COPG2: variants seen among roughly 807,000 people sequenced by gnomAD.
COPG2 encodes the protein coatomer subunit gamma-2.
A neutral mutation model predicts 46.3 loss-of-function variants in COPG2; 37 were observed. The ratio of observed to expected loss-of-function variants is 0.80; its 90% confidence interval spans 0.61 to 1.05. The LOEUF (loss-of-function observed/expected upper bound fraction) is 1.05. Among genes scored for constraint, COPG2 ranks in the 50% least tolerant of loss-of-function variants. The pLI is 0.00. For missense variants in COPG2, 427 were observed against 387.8 expected (o/e 1.10, Z -0.85); for synonymous variants, 159 against 129.7 (o/e 1.23, Z -1.53).
chr7:130,545,968 C>G (rs1371372673), intron 20 of COPG2, among the ~76,000 whole-genome samples: 1 of 152,054 alleles, frequency 6.6e-6, no homozygotes, highest in Non-Finnish European at 1.5e-5. Flanking sequence ...GTTAAGAATA[C>G]TTTCTGGGGT....
chr7:130,516,975 C>G lies in COPG2; in HGVS notation c.2150-8316G>C, dbSNP rs1016260092. On this transcript the variant is annotated intron_variant, in intron 20 of 23. Coordinates refer to ENST00000425248, the MANE Select transcript of COPG2 (RefSeq NM_012133.6). ...GGGCAGAGGGCAGTGGGCTGAGCAG[C>G]GAGTGCCCATGGGGAGGGGAGTATC... Among the ~76,000 whole-genome samples, 3 of 152,120 alleles carry G rather than the reference C, an allele frequency of 2.0e-5. No individual in the cohort carries two copies. In the South Asian group the frequency reaches 6.2e-4, roughly 32 times the overall value.
chr7:130,560,615 C>A (rs1793703626), intron 12 of COPG2, among the ~76,000 whole-genome samples: 1 of 152,118 alleles, frequency 6.6e-6, no homozygotes, highest in Non-Finnish European at 1.5e-5. Flanking sequence ...ACTGGATTGA[C>A]AAACAGTTCA....
intron 9 of COPG2, among the ~76,000 whole-genome samples, chr7:130,588,699 T>C (rs1794335950): frequency 6.6e-6 from 1 of 152,092 alleles, no homozygotes; most frequent in South Asian, 2.1e-4. Flanking sequence ...TAATGCTAAA[T>C]GACAAGTTAA....
chr7:130,532,526 A>T (rs1799838314), intron 20 of COPG2, among the ~76,000 whole-genome samples: 1 of 151,898 alleles, frequency 6.6e-6, no homozygotes, highest in African/African-American at 2.4e-5. Flanking sequence ...GCAGGGCAGG[A>T]GAGTCAGGTT....
At chr7:130,604,134 G>A (rs1329589490) in intron 9 of COPG2, among the ~76,000 whole-genome samples, 1 of 152,124 alleles carries the variant, frequency 6.6e-6, no homozygotes, top group Non-Finnish European at 1.5e-5. Flanking sequence ...GGTGGCAGAG[G>A]TGGAAGAAAA....
intron 5 of COPG2, among the ~76,000 whole-genome samples, chr7:130,619,908 G>A (rs1229746974): frequency 2.0e-5 from 3 of 152,170 alleles, no homozygotes; most frequent in Non-Finnish European, 2.9e-5. Context: ...AATGGCTGAA[G>A]TCGGACTTAG....
chr7:130,538,822 G>T (rs1799909268), intron 20 of COPG2, among the ~76,000 whole-genome samples: 4 of 152,156 alleles, frequency 2.6e-5, no homozygotes, highest in African/African-American at 9.7e-5. Flanking sequence ...GGGAGCCTGA[G>T]AGGATGGAGG....
In COPG2 at chr7:130,668,712, G is replaced by C; in HGVS notation, c.-44C>G. 2 of 1,511,538 alleles carry C rather than the reference G, an allele frequency of 1.3e-6. No homozygotes were observed. Among genetic ancestry groups the C allele is most frequent in the African/African-American group, 1.4e-5 (1 of 69,058 alleles). 93.6% of individuals were successfully genotyped at this position (1,511,538 alleles called of 1,614,324 possible). A position where few individuals can be genotyped will look rare whatever the true frequency, so the allele number is the denominator to read the frequency against. ...GCCCAGACCCACCGCAACCGTCCCA[G>C]GCGCCGCAGCCGGCGAGCGGAAGAG... On this transcript the variant is annotated 5_prime_UTR_variant, in exon 1 of 24. Coordinates refer to ENST00000425248, the MANE Select transcript of COPG2 (RefSeq NM_012133.6).
intron 5 of COPG2, among the ~76,000 whole-genome samples, chr7:130,636,538 GTTTTTTT>G (rs59688621): frequency 2.1e-5 from 2 of 94,142 alleles, no homozygotes; most frequent in African/African-American, 4.3e-5. Flanking sequence ...ATTGCAACCG[GTTTTTTT>G]TTTTTTTTTT....
intron 4 of COPG2, among the ~76,000 whole-genome samples, 191 bp from the exon 5 acceptor site, chr7:130,653,139 G>A (rs1795781177): frequency 6.6e-6 from 1 of 152,082 alleles, no homozygotes; most frequent in African/African-American, 2.4e-5. Context: ...AAACACAACT[G>A]ATGCATTGAC....
intron 12 of COPG2, among the ~76,000 whole-genome samples, chr7:130,555,981 G>T (rs1340402621): frequency 6.6e-6 from 1 of 152,188 alleles, no homozygotes; most frequent in Non-Finnish European, 1.5e-5. Flanking sequence ...GCTCAGCGAT[G>T]AAAGACAGTT....
At chr7:130,561,759 T>C (rs1226356141) in intron 11 of COPG2, among the ~76,000 whole-genome samples, 1 of 152,164 alleles carries the variant, frequency 6.6e-6, no homozygotes, top group Non-Finnish European at 1.5e-5. Context: ...ACCCACAATT[T>C]GGAAAATCTG....
At chr7:130,653,969 A>G (rs1002225816) in intron 4 of COPG2, among the ~76,000 whole-genome samples, 24 of 98,616 alleles carry the variant, frequency 2.4e-4, no homozygotes, top group Non-Finnish European at 4.7e-4. Context: ...CAATTTAAAG[A>G]AAAAAAAAGT....
At chr7:130,651,677 C>T (rs999888621) in intron 5 of COPG2, among the ~76,000 whole-genome samples, 29 of 151,264 alleles carry the variant, frequency 1.9e-4, no homozygotes, top group South Asian at 2.1e-4. Flanking sequence ...CCACCGCGCC[C>T]GGCTAATTTT....
intron 8 of COPG2, among the ~76,000 whole-genome samples, chr7:130,611,656 C>T (rs1794851404): frequency 6.6e-6 from 1 of 152,138 alleles, no homozygotes; most frequent in Non-Finnish European, 1.5e-5. Context: ...AGGGCATAAA[C>T]GCCCTCTCAA....
At chr7:130,584,032 T>C (rs936057857) in intron 9 of COPG2, among the ~76,000 whole-genome samples, 2 of 151,720 alleles carry the variant, frequency 1.3e-5, no homozygotes, top group Non-Finnish European at 2.9e-5. Context: ...CAGACTGATA[T>C]CCTTGATGAA....
chr7:130,660,284 G>T (rs1249616584), intron 4 of COPG2, among the ~76,000 whole-genome samples: 5 of 152,050 alleles, frequency 3.3e-5, no homozygotes, highest in Non-Finnish European at 7.4e-5. Context: ...CTTGCATCTG[G>T]GTACAGCACC....
chr7:130,632,640 TTCTC>T (rs1163632703), intron 5 of COPG2, among the ~76,000 whole-genome samples: 2 of 152,162 alleles, frequency 1.3e-5, no homozygotes, highest in African/African-American at 2.4e-5. Flanking sequence ...GTTTTCTTTT[TTCTC>T]TCTCTCTTTT....
intron 5 of COPG2, among the ~76,000 whole-genome samples, chr7:130,638,098 C>A (rs1240363489): frequency 2.6e-5 from 4 of 152,184 alleles, no homozygotes; most frequent in Non-Finnish European, 5.9e-5. Flanking sequence ...CCTCTGGAAG[C>A]TTTGTCCCAG....
Sources: gnomAD v4.1 joint callset for allele counts (sites outside exome capture counted in the v4.1 genomes callset) on GRCh38, gnomAD v4.1.1 for gene constraint, MANE v1.5 for transcripts, NCBI Gene and HGNC (gene_info 2026-07-23, HGNC 2026-07-21) for gene names.